Variants in KIF1B observed in about 807,000 individuals in gnomAD.
KIF1B encodes kinesin-like protein KIF1B.
A neutral mutation model predicts 241.9 loss-of-function variants in KIF1B; 76 were observed. The ratio of observed to expected loss-of-function variants is 0.31; its 90% CI spans 0.26 to 0.38. The LOEUF (loss-of-function observed/expected upper bound fraction) is 0.38. Among genes scored for constraint, KIF1B ranks in the 10% least tolerant of loss-of-function variants. The pLI is 1.00. For missense variants in KIF1B, 1,622 were observed against 2,271.4 expected (o/e 0.71, Z 5.81); for synonymous variants, 750 against 796.7 (o/e 0.94, Z 0.99).
At chr1:10,295,290 A>G (rs1650206259) in intron 18 of KIF1B, 125 bp downstream of exon 18, 1 of 719,034 alleles carries the variant, frequency 1.4e-6, no homozygotes, top group Non-Finnish European at 2.5e-6. Flanking sequence ...TGAAATAGTT[A>G]CAAACTATGC....
At chr1:10,304,429 G>A (rs1227665572) in intron 22 of KIF1B, 1 of 1,613,456 alleles carries the variant, frequency 6.2e-7, no homozygotes, top group East Asian at 2.2e-5. Flanking sequence ...TCACCCCACT[G>A]CTGATGTACA....
chr1:10,328,754 G>C (rs919326335), intron 27 of KIF1B, among the ~76,000 whole-genome samples: 1 of 152,212 alleles, frequency 6.6e-6, no homozygotes, highest in African/African-American at 2.4e-5. Flanking sequence ...GGAGAAGCCT[G>C]ACCTAATTGT....
At position 10,278,139 on chromosome 1, in the gene KIF1B, TA is replaced by T. The variant is rs753498048; in HGVS notation, c.1180+13del. 6 of 1,612,964 alleles carry T rather than the reference TA, an allele frequency of 3.7e-6. No individual in the cohort carries two copies. The highest frequency in any genetic ancestry group is 4.2e-6 in the Non-Finnish European group (5 of 1,179,106). ...GAGATATTATTGATAGTAAGTGAATTAAGGATCGTTACAAAATCTAATCCTT... is the reference window on the plus strand; with the variant it reads ...GAGATATTATTGATAGTAAGTGAATTAGGATCGTTACAAAATCTAATCCTT... On this transcript the variant is annotated intron_variant, in intron 13 of 48. Transcript: ENST00000676179.
At chr1:10,306,432 A>G in intron 22 of KIF1B, 3 of 1,000,772 alleles carry the variant, frequency 3.0e-6, no homozygotes, top group Non-Finnish European at 3.6e-6. Flanking sequence ...CTTTCTATAC[A>G]CAATTTATTT....
At chr1:10,355,268 A>G (rs976834484) in intron 38 of KIF1B, 6 of 152,426 alleles carry the variant, frequency 3.9e-5, no homozygotes, top group South Asian at 4.1e-4. Context: ...TTTGCTTATC[A>G]GCAAATTTTG....
intron 25 of KIF1B, 106 bp from the exon 26 acceptor site, chr1:10,324,651 TC>T (rs1651656185): frequency 7.7e-7 from 1 of 1,302,786 alleles, no homozygotes; most frequent in Non-Finnish European, 1.1e-6. Flanking sequence ...TGGGAGCAAC[TC>T]CTTTTTTTTT....
intron 17 of KIF1B, among the ~76,000 whole-genome samples, chr1:10,292,790 A>G (rs1028874439): frequency 6.6e-6 from 1 of 152,238 alleles, no homozygotes; most frequent in Non-Finnish European, 1.5e-5. Context: ...GTTGGATACT[A>G]GAAAATGACT....
intron 1 of KIF1B, among the ~76,000 whole-genome samples, chr1:10,215,172 A>ATATATATATAT (rs1377684765): frequency 1.1e-4 from 5 of 45,352 alleles, no homozygotes; most frequent in African/African-American, 3.0e-4. Context: ...ATATATATAT[A>ATATATATATAT]TTTTTTTTTT....
In KIF1B at chr1:10,324,833, A is replaced by C. The variant is rs764740446; in HGVS notation, c.2613A>C (p.Glu871Asp). The C allele has an allele frequency of 5.0e-6, 8 of 1,614,084 alleles. No individual in the cohort carries two copies. The African/African-American group carries it at 5.3e-5, about 11-fold the overall frequency. Residue 871 changes from glutamate to aspartate, a missense_variant, in exon 26 of 49, where the codon GAA becomes GAC. By Grantham distance (45) the Glu-to-Asp change is conservative. Around this residue, in one of 7 missense-constraint regions of KIF1B, gnomAD observed 803 missense variants for 1,112.0 expected, o/e 0.72. Coordinates refer to ENST00000676179, the MANE Select transcript of KIF1B (RefSeq NM_001365951.3). The stretch of plus-strand genomic sequence containing the variant: ...CCTCCAGTGCCCAAGACGAAAGCGA[A>C]ACCACTGTGACTGGCAGCGATCCCT... ...EMASSAQDESETTVTGSDPFY... is the reference protein window; with the variant it reads ...EMASSAQDESDTTVTGSDPFY...
At chr1:10,217,339 T>C (rs1571082119) in intron 1 of KIF1B, among the ~76,000 whole-genome samples, 1 of 138,224 alleles carries the variant, frequency 7.2e-6, no homozygotes, top group Non-Finnish European at 1.6e-5. Context: ...TACTCTTTCT[T>C]TTTCTTTTTT....
chr1:10,228,078 G>T (rs548474613), intron 1 of KIF1B, among the ~76,000 whole-genome samples: 3 of 151,654 alleles, frequency 2.0e-5, no homozygotes, highest in African/African-American at 7.3e-5. Flanking sequence ...CCAGCTACTC[G>T]GGAGGCTGAG....
chr1:10,272,117 G>A, intron 8 of KIF1B, 124 bp from the exon 9 acceptor site: 1 of 731,730 alleles, frequency 1.4e-6, no homozygotes, highest in East Asian at 2.5e-5. Context: ...GAGGACTAAA[G>A]GTTGTTTTTA....
chr1:10,337,628 C>T lies in KIF1B; in HGVS notation c.3422+95C>T. On this transcript the variant is annotated intron_variant, in intron 31 of 48. Coordinates refer to ENST00000676179, the MANE Select transcript of KIF1B (RefSeq NM_001365951.3). The surrounding 1 kb of genome is among the most constrained non-coding windows in gnomAD (Gnocchi z 4.0). ...GTGCTTTACATGTGTGAGGGATTAA[C>T]ACTCTTGAGACAAAGACTGATCAGT... The T allele has an allele frequency of 1.5e-6, 2 of 1,340,212 alleles. No individual in the cohort carries two copies. Among genetic ancestry groups the T allele is most frequent in the East Asian group, 2.3e-5 (1 of 43,520 alleles). The allele number at this position is 1,340,212 out of a possible 1,614,324, so 83.0% of individuals were successfully genotyped here.
chr1:10,306,435 A>AT (rs1436970488), intron 22 of KIF1B: 1 of 1,000,006 alleles, frequency 1.0e-6, no homozygotes, highest in Admixed American at 5.6e-5. Flanking sequence ...TCTATACACA[A>AT]TTTATTTTCT....
intron 38 of KIF1B, among the ~76,000 whole-genome samples, chr1:10,354,974 G>A (rs1413511946): frequency 2.0e-5 from 3 of 152,168 alleles, no homozygotes; most frequent in Non-Finnish European, 4.4e-5. Flanking sequence ...TGATAGTGGG[G>A]TATAATTGAC....
At chr1:10,213,546 TC>T (rs1646724559) in intron 1 of KIF1B, among the ~76,000 whole-genome samples, 2 of 152,186 alleles carry the variant, frequency 1.3e-5, no homozygotes, top group Admixed American at 1.3e-4. Context: ...CCCCCTGCCT[TC>T]CTGTTTGTAA....
intron 1 of KIF1B, among the ~76,000 whole-genome samples, chr1:10,224,478 A>G (rs960766872): frequency 1.3e-5 from 2 of 151,980 alleles, no homozygotes; most frequent in Non-Finnish European, 2.9e-5. Context: ...GAGTGCAGTG[A>G]TGGAATCATG....
chr1:10,326,314 A>G lies in KIF1B; in HGVS notation c.2879A>G (p.His960Arg), dbSNP rs574463864. The G allele has an allele frequency of 9.3e-6, 15 of 1,614,044 alleles. No homozygotes were observed. The highest frequency in any genetic ancestry group is 1.3e-5 in the Non-Finnish European group (15 of 1,180,038). ...EEGSDLFSDG[H>R]DPFYDRSPWF... Reference sequence around the variant, plus strand: ...GGATCAGATCTCTTCAGTGACGGGCATGACCCGTTTTACGACCGATCCCCT... The same window carrying G: ...GGATCAGATCTCTTCAGTGACGGGCGTGACCCGTTTTACGACCGATCCCCT... The change falls in exon 27 of 49, where the codon CAT (histidine) becomes CGT (arginine). Residue 960 changes from histidine to arginine, a missense_variant. Transcript: ENST00000676179. The surrounding 1 kb of genome is among the most constrained non-coding windows in gnomAD (Gnocchi z 5.2).
intron 12 of KIF1B, among the ~76,000 whole-genome samples, chr1:10,276,647 A>G (rs1649125094): frequency 6.6e-6 from 1 of 152,244 alleles, no homozygotes; most frequent in South Asian, 2.1e-4. Context: ...ATACCTAGAT[A>G]AGGCAGGAGC....
Sources: allele counts gnomAD v4.1 joint callset (sites outside exome capture counted in the v4.1 genomes callset), GRCh38; gene constraint gnomAD v4.1.1; regional missense constraint gnomAD v4.1.1; non-coding constraint Gnocchi (gnomAD v3.1); transcripts MANE v1.5; gene names NCBI Gene and HGNC (gene_info 2026-07-23, HGNC 2026-07-21).